CALN1: variants seen among roughly 807,000 people sequenced by gnomAD.
CALN1 encodes the protein calcium-binding protein 8.
CALN1 carries 17 observed loss-of-function variants against 30.6 expected under a neutral mutation model. The ratio of observed to expected loss-of-function variants is 0.56; its 90% CI spans 0.38 to 0.83. The LOEUF (loss-of-function observed/expected upper bound fraction) is 0.83, where lower values mean the gene tolerates loss of function less well. CALN1 is among the 40% of genes least tolerant of loss of function. The pLI is 0.00. For synonymous variants in CALN1, 156 were observed against 131.4 expected (o/e 1.19, Z -1.28); for missense variants, 291 against 354.9 (o/e 0.82, Z 1.45).
At chr7:72,052,403 C>T (rs1186961698) in intron 4 of CALN1, among the ~76,000 whole-genome samples, 1 of 152,058 alleles carries the variant, frequency 6.6e-6, no homozygotes, top group East Asian at 1.9e-4. Context: ...CAGGAAGCTC[C>T]CCGAGAAAGG....
At chr7:71,817,608 C>T (rs1788340533) in intron 5 of CALN1, among the ~76,000 whole-genome samples, 1 of 152,158 alleles carries the variant, frequency 6.6e-6, no homozygotes, top group Non-Finnish European at 1.5e-5. Context: ...CTCTGCCTCC[C>T]AGGTTCAAGT....
In CALN1 at chr7:72,340,805, C is replaced by T. The variant is rs1802344241; in HGVS notation, c.120-61995G>A. ...AACCATGGGGGCGGTTTCTCCCATT[C>T]CATTTTCATGGTAGTGAGTAAGTCT... On this transcript the variant is annotated intron_variant, in intron 2 of 6. Transcript: ENST00000395275. Among the ~76,000 whole-genome samples, 10 of 152,252 alleles carry T rather than the reference C, an allele frequency of 6.6e-5. No individual in the cohort carries two copies. In the South Asian group the frequency reaches 2.1e-3, roughly 32 times the overall value.
intron 3 of CALN1, among the ~76,000 whole-genome samples, chr7:72,190,830 A>G (rs1790542576): frequency 7.9e-6 from 1 of 127,118 alleles, no homozygotes; most frequent in South Asian, 3.0e-4. Flanking sequence ...CTACATCTGT[A>G]CATCGATTTA....
At chr7:72,421,749 G>A (rs1807619802) in intron 1 of CALN1, among the ~76,000 whole-genome samples, 1 of 151,736 alleles carries the variant, frequency 6.6e-6, no homozygotes, top group Non-Finnish European at 1.5e-5. Context: ...ACCACACCCA[G>A]CTAATTTTTT....
intron 5 of CALN1, among the ~76,000 whole-genome samples, chr7:71,905,335 T>C (rs1794071850): frequency 6.6e-6 from 1 of 152,124 alleles, no homozygotes; most frequent in Non-Finnish European, 1.5e-5. Flanking sequence ...ATTCTGAGAC[T>C]TCAGTGTACC....
intron 2 of CALN1, among the ~76,000 whole-genome samples, chr7:72,311,551 C>T (rs2129556420): frequency 6.6e-6 from 1 of 152,002 alleles, no homozygotes; most frequent in East Asian, 1.9e-4. Flanking sequence ...TTGATCTCGG[C>T]TCACTGCAGC....
rs1791356584 is a variant in CALN1 at position 71,862,606 on chromosome 7, T to A, written c.502-52114A>T. The stretch of plus-strand genomic sequence containing the variant: ...TTACCCAGTCTCGGGTATGTCTTTA[T>A]TAGCAGCATGAGAACAGTTTAATAC... On this transcript the variant is annotated intron_variant, in intron 5 of 6. Transcript: ENST00000395275. Among the ~76,000 whole-genome samples the A allele has an allele frequency of 2.0e-5, 3 of 152,210 alleles. No homozygotes were observed. In the South Asian group the frequency reaches 6.2e-4, roughly 31 times the overall value.
chr7:72,325,279 T>G (rs547317944), intron 2 of CALN1, among the ~76,000 whole-genome samples: 9 of 152,162 alleles, frequency 5.9e-5, no homozygotes, highest in Non-Finnish European at 5.9e-5. Flanking sequence ...GTCTGGGTGA[T>G]AGAGATTCTG....
At chr7:72,077,256 G>A (rs983325954) in intron 4 of CALN1, among the ~76,000 whole-genome samples, 6 of 152,020 alleles carry the variant, frequency 3.9e-5, no homozygotes, top group African/African-American at 7.2e-5. Context: ...CTGGGGCAAA[G>A]AAGGAATATT....
At chr7:72,067,127 T>A (rs1258900138) in intron 4 of CALN1, among the ~76,000 whole-genome samples, 2 of 152,138 alleles carry the variant, frequency 1.3e-5, no homozygotes, top group Admixed American at 1.3e-4. Context: ...CCAAGTAGGA[T>A]GGGTCTGAAA....
At chr7:71,922,869 AATAT>A (rs1156830576) in intron 5 of CALN1, among the ~76,000 whole-genome samples, 7 of 126,522 alleles carry the variant, frequency 5.5e-5, no homozygotes, top group African/African-American at 2.2e-4. Flanking sequence ...AATGTATATT[AATAT>A]ATAAACATAT....
chr7:71,944,653 CCTATTGTGT>C (rs1013517975), intron 5 of CALN1, among the ~76,000 whole-genome samples: 1 of 146,336 alleles, frequency 6.8e-6, no homozygotes, highest in Non-Finnish European at 1.5e-5. Flanking sequence ...TAATAATTTA[CCTATTGTGT>C]CTAAGCTGTT....
upstream of CALN1, among the ~76,000 whole-genome samples, chr7:72,451,885 G>T (rs1159071337): frequency 6.6e-6 from 1 of 151,880 alleles, no homozygotes; most frequent in Non-Finnish European, 1.5e-5. Flanking sequence ...ACTCTATTTT[G>T]GGGCTGGGTG....
chr7:72,492,993 T>C, the CALN1 span, among the ~76,000 whole-genome samples: 613 of 152,298 alleles, frequency 4.0e-3, 4 homozygotes, highest in African/African-American at 0.014. Context: ...AGCTTTGAGA[T>C]AGAATTCACC....
At chr7:72,055,931 G>A (rs1803227385) in intron 4 of CALN1, among the ~76,000 whole-genome samples, 1 of 152,168 alleles carries the variant, frequency 6.6e-6, no homozygotes, top group Admixed American at 6.5e-5. Context: ...TGAGGCAGGA[G>A]GATTGCTTGA....
At chr7:72,121,474 ATATAAT>A (rs898285553) in intron 3 of CALN1, among the ~76,000 whole-genome samples, 2 of 147,450 alleles carry the variant, frequency 1.4e-5, no homozygotes, top group African/African-American at 4.9e-5. Flanking sequence ...TAATATAGAT[ATATAAT>A]TATGTTATTT....
intron 4 of CALN1, among the ~76,000 whole-genome samples, chr7:72,039,554 T>C (rs1251813153): frequency 6.6e-6 from 1 of 152,210 alleles, no homozygotes; most frequent in Admixed American, 6.5e-5. Context: ...ACCTTCCTTC[T>C]TTTGACTTGG....
At chr7:71,806,423 C>G (rs555419846) in intron 6 of CALN1, among the ~76,000 whole-genome samples, 1 of 151,612 alleles carries the variant, frequency 6.6e-6, no homozygotes, top group Non-Finnish European at 1.5e-5. Flanking sequence ...TCTCCTGTCT[C>G]AGCCTCCCGA....
At chr7:72,451,269 A>AGT (rs1808657404), upstream of CALN1, among the ~76,000 whole-genome samples, 1 of 110,506 alleles carries the variant, frequency 9.0e-6, no homozygotes. Context: ...GGAGGAGGAG[A>AGT]AGGAGGAAGA....
Sources: gnomAD v4.1 joint callset for allele counts (sites outside exome capture counted in the v4.1 genomes callset) on GRCh38, gnomAD v4.1.1 for gene constraint, MANE v1.5 for transcripts, NCBI Gene and HGNC (gene_info 2026-07-23, HGNC 2026-07-21) for gene names.